Variants in SDK1 observed in about 807,000 individuals in gnomAD.
The protein encoded by SDK1 is sidekick cell adhesion molecule 1.
Under a neutral mutation model 245.5 loss-of-function variants are expected in SDK1, and 157 were observed. That is an observed-to-expected ratio of 0.64 (90% CI 0.56 to 0.73). The LOEUF (loss-of-function observed/expected upper bound fraction) is 0.73. SDK1 is among the 30% of genes least tolerant of loss of function. The pLI is 0.00. For missense variants in SDK1, 3,583 were observed against 3,002.3 expected (o/e 1.19, Z -4.52); for synonymous variants, 1,647 against 1,278.5 (o/e 1.29, Z -6.15).
intron 4 of SDK1, among the ~76,000 whole-genome samples, chr7:3,803,409 C>A (rs952300110): frequency 1.3e-5 from 2 of 151,096 alleles, no homozygotes; most frequent in South Asian, 4.2e-4. Context: ...CTCTGAAATT[C>A]AAGCAATTCT....
chr7:3,792,673 C>T (rs1778840339), intron 4 of SDK1, among the ~76,000 whole-genome samples: 1 of 149,626 alleles, frequency 6.7e-6, no homozygotes, highest in South Asian at 2.1e-4. Context: ...TAACTACTAC[C>T]CCCTCCTCCT....
chr7:4,160,037 C>G (rs2128211928), intron 31 of SDK1, among the ~76,000 whole-genome samples: 1 of 152,312 alleles, frequency 6.6e-6, no homozygotes, highest in Admixed American at 6.5e-5. Context: ...TACTGCACCA[C>G]TTTATTGTTA....
intron 1 of SDK1, among the ~76,000 whole-genome samples, chr7:3,346,685 GTGTGTGTA>G (rs1445704204): frequency 6.6e-5 from 9 of 135,786 alleles, no homozygotes; most frequent in African/African-American, 2.3e-4. Flanking sequence ...TTTTTGGTGT[GTGTGTGTA>G]TGTGTGTTTG....
At chr7:3,684,700 T>C (rs1174545761) in intron 4 of SDK1, among the ~76,000 whole-genome samples, 1 of 152,166 alleles carries the variant, frequency 6.6e-6, no homozygotes, top group Non-Finnish European at 1.5e-5. Context: ...CTGGAAAATA[T>C]TTTAAAGCAG....
chr7:3,439,517 T>G (rs974271756), intron 1 of SDK1, among the ~76,000 whole-genome samples: 1 of 152,154 alleles, frequency 6.6e-6, no homozygotes, highest in Non-Finnish European at 1.5e-5. Flanking sequence ...AAGCATAAGC[T>G]AAATCCAGAT....
At chr7:4,199,326 C>G (rs530086712) in intron 35 of SDK1, among the ~76,000 whole-genome samples, 2 of 152,268 alleles carry the variant, frequency 1.3e-5, no homozygotes, top group East Asian at 3.9e-4. Context: ...GTCCGCAAGC[C>G]GCAGAGCCGG....
chr7:3,850,446 C>A (rs997783152), intron 5 of SDK1, among the ~76,000 whole-genome samples: 2 of 152,172 alleles, frequency 1.3e-5, no homozygotes, highest in South Asian at 4.1e-4. Context: ...GAAGACAATG[C>A]GGCGATCCCT....
chr7:3,485,683 G>GTTT lies in SDK1; in HGVS notation c.299-133377_299-133375dup, dbSNP rs71552309. On this transcript the variant is annotated intron_variant, in intron 1 of 44. Transcript: ENST00000404826. Reference sequence around the variant, plus strand: ...GTGCTGAGGGGATGATCTTTGGAGGGTTTTTTTTTTTTTTTTTTTTTTGAG... The same window carrying GTTT: ...GTGCTGAGGGGATGATCTTTGGAGGGTTTTTTTTTTTTTTTTTTTTTTTTTGAG... Among the ~76,000 whole-genome samples, 173 of 38,148 alleles carry GTTT rather than the reference G, an allele frequency of 4.5e-3. 16 individuals carry two copies. Among genetic ancestry groups the GTTT allele is most frequent in the East Asian group, 0.022 (24 of 1,112 alleles). 25.0% of individuals were successfully genotyped at this position (38,148 alleles called of 152,430 possible).
chr7:3,817,410 C>G (rs990715079), intron 4 of SDK1, among the ~76,000 whole-genome samples: 10 of 152,162 alleles, frequency 6.6e-5, no homozygotes. Flanking sequence ...AGTGGGATTT[C>G]CAATAGTTGC....
In SDK1 at chr7:4,268,891, ATTGTGC is replaced by A; in HGVS notation, c.*3508_*3513del. 2.2e-6 allele frequency: 1 copy of A among 450,270 alleles called. No individual in the cohort carries two copies. Among genetic ancestry groups the A allele is most frequent in the Non-Finnish European group, 4.1e-6 (1 of 243,708 alleles). 27.9% of individuals were successfully genotyped at this position (450,270 alleles called of 1,614,324 possible). On this transcript the variant is annotated 3_prime_UTR_variant, in exon 45 of 45. Coordinates refer to ENST00000404826, the MANE Select transcript of SDK1 (RefSeq NM_152744.4). Reference sequence around the variant, plus strand: ...AACGTTCCCTACAACTTTTTCTGAAATTGTGCAGAAAAACAGATCTCATTAAAAGAA... The same window carrying A: ...AACGTTCCCTACAACTTTTTCTGAAAAGAAAAACAGATCTCATTAAAAGAA...
intron 14 of SDK1, among the ~76,000 whole-genome samples, chr7:3,998,289 A>C (rs1316968161): frequency 6.6e-6 from 1 of 152,222 alleles, no homozygotes; most frequent in Non-Finnish European, 1.5e-5. Flanking sequence ...ACCTCCCTGC[A>C]ACAGCTGGCA....
At chr7:3,837,538 G>A (rs1780054363) in intron 5 of SDK1, among the ~76,000 whole-genome samples, 1 of 152,206 alleles carries the variant, frequency 6.6e-6, no homozygotes, top group Admixed American at 6.5e-5. Flanking sequence ...ATGAGAGGTT[G>A]CCTCTTCGTT....
chr7:3,582,081 TCAGGTAGGCCTGTCTCAGGTAGGTCTC>T, intron 1 of SDK1, among the ~76,000 whole-genome samples: 2 of 145,510 alleles, frequency 1.4e-5, no homozygotes, highest in African/African-American at 5.0e-5. Flanking sequence ...TAGGTCTCCC[TCAGGTAGGCCTGTCTCAGGTAGGTCTC>T]CCTCAGGTAG....
rs141402972 is a variant in SDK1 at position 3,571,624 on chromosome 7, A to G, written c.299-47456A>G. Among the ~76,000 whole-genome samples, 282 of 152,174 alleles carry G rather than the reference A, an allele frequency of 1.9e-3. 2 individuals carry two copies. The highest frequency in any genetic ancestry group is 3.1e-3 in the Non-Finnish European group (214 of 67,952). On this transcript the variant is annotated intron_variant, in intron 1 of 44. Transcript: ENST00000404826. ...TGGCCTGAAAGCAGCCTTTTGTTTT[A>G]CAGTTTGTTCTAAGGGAATTCAAAG...
intron 1 of SDK1, among the ~76,000 whole-genome samples, chr7:3,459,356 C>A (rs542086839): frequency 1.3e-5 from 2 of 152,236 alleles, no homozygotes; most frequent in East Asian, 3.9e-4. Context: ...ACTTGAAATG[C>A]ACAAATCGTT....
At chr7:4,131,477 T>A (rs1784813845) in intron 27 of SDK1, among the ~76,000 whole-genome samples, 1 of 152,244 alleles carries the variant, frequency 6.6e-6, no homozygotes, top group Admixed American at 6.5e-5. Flanking sequence ...TTTAAAATAC[T>A]GTTCCCAGCT....
chr7:4,073,169 C>A (rs1780372302), intron 20 of SDK1, among the ~76,000 whole-genome samples: 2 of 152,172 alleles, frequency 1.3e-5, no homozygotes, highest in Admixed American at 6.5e-5. Context: ...GCGCCTCTCT[C>A]CTCTCTCCTC....
chr7:3,438,247 A>G (rs1166593034), intron 1 of SDK1, among the ~76,000 whole-genome samples: 2 of 152,334 alleles, frequency 1.3e-5, no homozygotes, highest in East Asian at 1.9e-4. Context: ...TATATTCCCA[A>G]TGAATATGAC....
chr7:3,967,653 A>G (rs562097412), intron 10 of SDK1, among the ~76,000 whole-genome samples: 26 of 152,358 alleles, frequency 1.7e-4, no homozygotes, highest in African/African-American at 6.0e-4. Flanking sequence ...CTGATGGTCT[A>G]AGGATGAAAC....
Sources: gnomAD v4.1 joint callset for allele counts (sites outside exome capture counted in the v4.1 genomes callset) on GRCh38, gnomAD v4.1.1 for gene constraint, MANE v1.5 for transcripts, NCBI Gene and HGNC (gene_info 2026-07-23, HGNC 2026-07-21) for gene names.